The following KLRG2 variants were observed in gnomAD, a reference collection of about 807,000 sequenced individuals.
KLRG2 encodes the protein killer cell lectin like receptor G2.
A neutral mutation model predicts 35.4 loss-of-function variants in KLRG2; 39 were observed. The ratio of observed to expected loss-of-function variants is 1.10; its 90% confidence interval spans 0.85 to 1.44. The LOEUF (loss-of-function observed/expected upper bound fraction) is 1.44. KLRG2 is among the 40% of genes most tolerant of loss of function. The pLI, the probability that KLRG2 is intolerant of heterozygous loss-of-function variation, is 0.00. For synonymous variants in KLRG2, 283 were observed against 265.8 expected (o/e 1.06, Z -0.63); for missense variants, 632 against 570.9 (o/e 1.11, Z -1.09).
At chr7:139,474,014 CTTTTTTT>C (rs751172556) in intron 3 of KLRG2, among the ~76,000 whole-genome samples, 4 of 129,932 alleles carry the variant, frequency 3.1e-5, no homozygotes, top group Non-Finnish European at 4.9e-5. Flanking sequence ...GTGGCTCAGA[CTTTTTTT>C]TTTTTTTTTT....
intron 3 of KLRG2, among the ~76,000 whole-genome samples, chr7:139,475,328 G>A (rs1418362767): frequency 1.3e-5 from 2 of 152,014 alleles, no homozygotes; most frequent in African/African-American, 4.8e-5. Flanking sequence ...TCAGGAGATC[G>A]AGACCATCCT....
intron 3 of KLRG2, among the ~76,000 whole-genome samples, chr7:139,467,038 C>G (rs1429464461): frequency 6.6e-6 from 1 of 152,098 alleles, no homozygotes; most frequent in African/African-American, 2.4e-5. Flanking sequence ...AAAACTGCAT[C>G]CAGGCCATCA....
intron 3 of KLRG2, among the ~76,000 whole-genome samples, chr7:139,467,422 C>T (rs112842605): frequency 6.6e-6 from 1 of 152,236 alleles, no homozygotes; most frequent in Non-Finnish European, 1.5e-5. Context: ...AAAAGAAAGA[C>T]AGATCAGATT....
chr7:139,458,310 C>G (rs150824065), intron 3 of KLRG2, among the ~76,000 whole-genome samples: 13 of 151,416 alleles, frequency 8.6e-5, no homozygotes, highest in African/African-American at 2.7e-4. Context: ...CCCGGGAGGT[C>G]GAGGCTGCAC....
chr7:139,430,245 A>T, the KLRG2 span, among the ~76,000 whole-genome samples: 1 of 152,072 alleles, frequency 6.6e-6, no homozygotes, highest in African/African-American at 2.4e-5. Flanking sequence ...TCTACTAAAA[A>T]TACAAAATTA....
the KLRG2 span, among the ~76,000 whole-genome samples, chr7:139,435,477 G>A: frequency 8.5e-5 from 13 of 152,070 alleles, no homozygotes; most frequent in African/African-American, 3.1e-4. Context: ...GTGACAGAGC[G>A]AGACTCCGTC....
downstream of KLRG2, among the ~76,000 whole-genome samples, chr7:139,451,269 G>A (rs764055459): frequency 2.0e-5 from 3 of 152,238 alleles, no homozygotes; most frequent in Non-Finnish European, 4.4e-5. Flanking sequence ...GGAGGCCGAG[G>A]CAGGCGGCTC....
the KLRG2 span, among the ~76,000 whole-genome samples, chr7:139,429,896 C>T: frequency 2.0e-5 from 3 of 152,316 alleles, no homozygotes; most frequent in African/African-American, 7.2e-5. Context: ...GTACACCTCC[C>T]AGACGGGGTG....
chr7:139,472,928 C>T (rs910905222), intron 3 of KLRG2, among the ~76,000 whole-genome samples: 1 of 152,186 alleles, frequency 6.6e-6, no homozygotes, highest in Admixed American at 6.5e-5. Flanking sequence ...TTCGGAAAGA[C>T]GAACCACAGA....
At chr7:139,477,887 T>C (rs1796878892) in intron 3 of KLRG2, among the ~76,000 whole-genome samples, 1 of 151,788 alleles carries the variant, frequency 6.6e-6, no homozygotes, top group Admixed American at 6.6e-5. Context: ...GCCTCTGGAG[T>C]AGCTGGGACT....
the KLRG2 span, among the ~76,000 whole-genome samples, chr7:139,437,057 T>C: frequency 1.3e-5 from 2 of 152,248 alleles, no homozygotes; most frequent in Non-Finnish European, 1.5e-5. Flanking sequence ...AAGTGGGAAA[T>C]GCCATCTGTG....
the KLRG2 span, among the ~76,000 whole-genome samples, chr7:139,431,028 AAAG>A: frequency 6.6e-6 from 1 of 151,858 alleles, no homozygotes; most frequent in African/African-American, 2.4e-5. Flanking sequence ...AAAAAAAAAA[AAAG>A]GTTAAATTGT....
intron 3 of KLRG2, among the ~76,000 whole-genome samples, chr7:139,463,768 C>T (rs1254849573): frequency 3.9e-5 from 6 of 152,208 alleles, no homozygotes; most frequent in Non-Finnish European, 5.9e-5. Flanking sequence ...TGACGACCGA[C>T]GCTGCCCAAT....
chr7:139,483,100 C>G lies in KLRG2; in HGVS notation c.543G>C (p.Thr181=), dbSNP rs1000117203. The change falls in exon 1 of 5, where the codon ACG becomes ACC. Residue 181 remains threonine, a synonymous_variant. Coordinates refer to ENST00000340940, the MANE Select transcript of KLRG2 (RefSeq NM_198508.4). The part of the protein sequence containing the change: ...LLLRAPSQGG[T]WGRRSPLAAA... ...CAGCCAGCGGCGAGCGGCGGCCCCA[C>G]GTGCCGCCCTGGGATGGTGCGCGCA... 2.2e-5 allele frequency: 31 copies of G among 1,438,378 alleles called. No individual in the cohort carries two copies. In the African/African-American group the frequency reaches 4.3e-4, roughly 20 times the overall value. The allele number at this position is 1,438,378 out of a possible 1,614,324, so 89.1% of individuals were successfully genotyped here. A position where few individuals can be genotyped will look rare whatever the true frequency, so the allele number is the denominator to read the frequency against.
intron 3 of KLRG2, among the ~76,000 whole-genome samples, chr7:139,455,082 G>A (rs533264265): frequency 1.5e-4 from 22 of 150,690 alleles, no homozygotes; most frequent in African/African-American, 2.0e-4. Context: ...GCAGTGGCAC[G>A]ATCCTGGCTC....
At chr7:139,463,676 C>G (rs1013754256) in intron 3 of KLRG2, among the ~76,000 whole-genome samples, 1 of 152,200 alleles carries the variant, frequency 6.6e-6, no homozygotes, top group African/African-American at 2.4e-5. Context: ...CCAAGTCACC[C>G]AGCAGCCAAC....
chr7:139,444,254 C>T, the KLRG2 span, among the ~76,000 whole-genome samples: 2 of 152,200 alleles, frequency 1.3e-5, no homozygotes, highest in Non-Finnish European at 2.9e-5. Context: ...CAGACACACC[C>T]AGAACAATAC....
chr7:139,429,929 C>T, the KLRG2 span, among the ~76,000 whole-genome samples: 2 of 152,138 alleles, frequency 1.3e-5, no homozygotes, highest in Non-Finnish European at 2.9e-5. Context: ...AGGCGCCCCT[C>T]ACCTCCCAGA....
At chr7:139,429,442 T>A in the KLRG2 span, among the ~76,000 whole-genome samples, 1 of 150,952 alleles carries the variant, frequency 6.6e-6, no homozygotes. Flanking sequence ...TTTGGCAGAG[T>A]CACAGGACAA....
Sources: allele counts gnomAD v4.1 joint callset (sites outside exome capture counted in the v4.1 genomes callset), GRCh38; gene constraint gnomAD v4.1.1; transcripts MANE v1.5; gene names NCBI Gene and HGNC (gene_info 2026-07-23, HGNC 2026-07-21).